The following LINGO2 variants were observed in gnomAD, a reference collection of about 807,000 sequenced individuals.
LINGO2 encodes leucine rich repeat and Ig domain containing 2.
In LINGO2, 14 loss-of-function variants were observed where a neutral mutation model predicts 30.6. The ratio of observed to expected loss-of-function variants is 0.46; its 90% CI spans 0.30 to 0.72. The LOEUF (loss-of-function observed/expected upper bound fraction) is 0.72, where lower values mean the gene tolerates loss of function less well. Among genes scored for constraint, LINGO2 ranks in the 30% least tolerant of loss-of-function variants. The pLI is 0.07. For synonymous variants in LINGO2, 317 were observed against 288.5 expected (o/e 1.10, Z -1.00); for missense variants, 729 against 751.7 (o/e 0.97, Z 0.35).
chr9:28,290,949 A>G (rs1024198698), intron 4 of LINGO2, among the ~76,000 whole-genome samples: 1 of 152,076 alleles, frequency 6.6e-6, no homozygotes, highest in Non-Finnish European at 1.5e-5. Flanking sequence ...CTCTCAACCA[A>G]TGACTGATGA....
intron 4 of LINGO2, among the ~76,000 whole-genome samples, chr9:28,139,027 G>C (rs966058850): frequency 2.6e-5 from 4 of 152,206 alleles, no homozygotes; most frequent in African/African-American, 9.6e-5. Flanking sequence ...GCTTCTAGGA[G>C]GCAGTGGTCT....
intron 2 of LINGO2, among the ~76,000 whole-genome samples, chr9:28,421,267 CT>C (rs1587648481): frequency 6.6e-6 from 1 of 151,132 alleles, no homozygotes; most frequent in African/African-American, 2.4e-5. Context: ...CAAAACATTG[CT>C]GAAAAAAATA....
At chr9:28,990,882 G>T in the LINGO2 span, among the ~76,000 whole-genome samples, 2 of 152,084 alleles carry the variant, frequency 1.3e-5, no homozygotes, top group Non-Finnish European at 2.9e-5. Context: ...CATCATCAAA[G>T]ACCAAAAGTA....
the LINGO2 span, among the ~76,000 whole-genome samples, chr9:28,906,098 A>C: frequency 1.3e-5 from 2 of 152,056 alleles, no homozygotes; most frequent in East Asian, 3.9e-4. Flanking sequence ...ATGGAATCTA[A>C]AAACATGGAA....
the LINGO2 span, among the ~76,000 whole-genome samples, chr9:28,933,518 G>T: frequency 1.5e-5 from 1 of 67,016 alleles, no homozygotes; most frequent in Non-Finnish European, 3.7e-5. Flanking sequence ...AGACAATATA[G>T]AATATATCAC....
the LINGO2 span, among the ~76,000 whole-genome samples, chr9:29,016,663 A>G: frequency 2.6e-5 from 4 of 152,190 alleles, no homozygotes; most frequent in Admixed American, 1.3e-4. Flanking sequence ...TCACACCAAC[A>G]AAAAGCATCT....
At position 28,504,854 on chromosome 9, in the gene LINGO2, A is replaced by T. The variant is rs1352761804; in HGVS notation, c.-364-28829T>A. 2.0e-5 allele frequency among the ~76,000 whole-genome samples: 3 copies of T among 151,986 alleles called. No homozygotes were observed. The East Asian group carries it at 5.8e-4, about 29-fold the overall frequency. ...TGGTAAAACAGTGTGGGATAAGTGT[A>T]TTTGGAGTTAGAAAGGCTTCATAGA... On this transcript the variant is annotated intron_variant, in intron 1 of 5. Coordinates refer to ENST00000379992, the Ensembl canonical transcript of LINGO2.
At chr9:28,229,176 T>A (rs1821271794) in intron 4 of LINGO2, among the ~76,000 whole-genome samples, 1 of 151,720 alleles carries the variant, frequency 6.6e-6, no homozygotes, top group African/African-American at 2.4e-5. Context: ...GATGGGAAAA[T>A]AAAAACATGC....
intron 5 of LINGO2, among the ~76,000 whole-genome samples, chr9:28,004,507 T>A (rs943559437): frequency 6.6e-6 from 1 of 152,204 alleles, no homozygotes; most frequent in Admixed American, 6.5e-5. Flanking sequence ...GTTTGTCACA[T>A]AGGTTCTGAC....
the LINGO2 span, among the ~76,000 whole-genome samples, chr9:29,004,280 T>TA: frequency 6.6e-6 from 1 of 151,972 alleles, no homozygotes; most frequent in Non-Finnish European, 1.5e-5. Context: ...TACTTTTAGC[T>TA]AAAAAATAAT....
At chr9:29,001,782 A>ATG in the LINGO2 span, among the ~76,000 whole-genome samples, 1 of 152,000 alleles carries the variant, frequency 6.6e-6, no homozygotes. Flanking sequence ...TATATTGCAT[A>ATG]TATATATATC....
At chr9:28,044,219 G>C (rs749484513) in intron 4 of LINGO2, among the ~76,000 whole-genome samples, 12 of 152,128 alleles carry the variant, frequency 7.9e-5, no homozygotes, top group Non-Finnish European at 1.8e-4. Context: ...TTGTAAAATG[G>C]GAGTAATGAT....
At chr9:28,109,723 C>G (rs1307348516) in intron 4 of LINGO2, among the ~76,000 whole-genome samples, 1 of 152,176 alleles carries the variant, frequency 6.6e-6, no homozygotes, top group African/African-American at 2.4e-5. Flanking sequence ...CTACAAACCT[C>G]TGCTCAAGGA....
At chr9:28,172,429 G>C (rs977589678) in intron 4 of LINGO2, among the ~76,000 whole-genome samples, 1 of 151,640 alleles carries the variant, frequency 6.6e-6, no homozygotes, top group African/African-American at 2.4e-5. Context: ...CTAAACTAGA[G>C]CACTTTCCAT....
At chr9:28,704,547 T>A in the LINGO2 span, among the ~76,000 whole-genome samples, 2 of 152,134 alleles carry the variant, frequency 1.3e-5, no homozygotes, top group African/African-American at 4.8e-5. Flanking sequence ...TGTGAAGTTA[T>A]ACCATTTGTA....
chr9:28,097,091 C>T (rs528184063), intron 4 of LINGO2, among the ~76,000 whole-genome samples: 24 of 151,816 alleles, frequency 1.6e-4, no homozygotes, highest in Non-Finnish European at 2.5e-4. Flanking sequence ...AAAATGCTCA[C>T]CATCACTGGC....
At chr9:28,955,957 T>C in the LINGO2 span, among the ~76,000 whole-genome samples, 1 of 151,866 alleles carries the variant, frequency 6.6e-6, no homozygotes, top group African/African-American at 2.4e-5. Context: ...AAAACAAGAT[T>C]ACAAACAAGT....
chr9:28,084,825 G>A (rs187894181), intron 4 of LINGO2, among the ~76,000 whole-genome samples: 20 of 152,272 alleles, frequency 1.3e-4, no homozygotes, highest in African/African-American at 4.8e-4. Flanking sequence ...CAGAAAGTCT[G>A]TATAAATAAT....
At chr9:28,965,921 C>G in the LINGO2 span, among the ~76,000 whole-genome samples, 1 of 152,078 alleles carries the variant, frequency 6.6e-6, no homozygotes, top group African/African-American at 2.4e-5. Context: ...ACGAATTTGT[C>G]TAGACAGGAT....
Sources: allele counts gnomAD v4.1 joint callset (sites outside exome capture counted in the v4.1 genomes callset), GRCh38; gene constraint gnomAD v4.1.1; transcripts MANE v1.5; gene names NCBI Gene and HGNC (gene_info 2026-07-23, HGNC 2026-07-21).